Variants in DYM observed in about 807,000 individuals in gnomAD.
DYM encodes the protein dymeclin.
DYM carries 78 observed loss-of-function variants against 93.1 expected under a neutral mutation model. That is an observed-to-expected ratio of 0.84 (90% CI 0.70 to 1.01). DYM has a LOEUF of 1.01. DYM is among the 50% of genes least tolerant of loss of function. The pLI is 0.00. For missense variants in DYM, 789 were observed against 845.0 expected (o/e 0.93, Z 0.82); for synonymous variants, 321 against 319.7 (o/e 1.00, Z -0.04).
chr18:49,460,174 C>T lies in DYM; in HGVS notation c.-54+224G>A, dbSNP rs539951456. Among the ~76,000 whole-genome samples, 195 of 152,302 alleles carry T rather than the reference C, an allele frequency of 1.3e-3. 1 individual carries two copies. Among genetic ancestry groups the T allele is most frequent in the Non-Finnish European group, 3.2e-4 (22 of 68,024 alleles). ...AAGCACCGACTTGGCCTTCGGTATC[C>T]CCCAACTCCCAACAGCGGACTCGGA... is the stretch of plus-strand genomic sequence containing the variant. On this transcript the variant is annotated intron_variant, in intron 1 of 17. Transcript: ENST00000675505.
At chr18:49,409,341 T>G (rs879813077) in intron 2 of DYM, among the ~76,000 whole-genome samples, 2 of 151,220 alleles carry the variant, frequency 1.3e-5, no homozygotes, top group East Asian at 3.9e-4. Context: ...AATAAAAAAT[T>G]CTGGATTATA....
chr18:49,427,728 A>C (rs1379026102), intron 2 of DYM, among the ~76,000 whole-genome samples: 1 of 152,216 alleles, frequency 6.6e-6, no homozygotes, highest in Non-Finnish European at 1.5e-5. Context: ...AATGTCTATT[A>C]ATTTCTGAAT....
At position 49,282,043 on chromosome 18, in the gene DYM, C is replaced by T; in HGVS notation, c.1079G>A (p.Ser360Asn). 1.2e-6 allele frequency: 2 copies of T among 1,613,912 alleles called. No homozygotes were observed. The highest frequency in any genetic ancestry group is 1.7e-6 in the Non-Finnish European group (2 of 1,179,932). ...LLLYTLLHQN[S>N]NIRTYMLART... is the part of the protein sequence containing the mutation. ...AGCCAACATGTATGTTCTAATATTA[C>T]TATTTTGATGGAGCAAGGTATACAA... The change falls in exon 10 of 18, where the codon AGT becomes AAT. Residue 360 changes from serine to asparagine, a missense_variant. By Grantham distance (46) the Ser-to-Asn change is conservative. Around this residue, in one of 3 missense-constraint regions of DYM, gnomAD observed 450 missense variants for 436.2 expected, o/e 1.03. Coordinates refer to ENST00000675505, the MANE Select transcript of DYM (RefSeq NM_001353214.3).
chr18:49,377,570 AAAATAAAAATAT>A (rs1336695853), intron 5 of DYM, among the ~76,000 whole-genome samples: 1 of 152,128 alleles, frequency 6.6e-6, no homozygotes, highest in Non-Finnish European at 1.5e-5. Context: ...AAAAAAAATA[AAAATAAAAATAT>A]AAATAAAAAT....
intron 16 of DYM, among the ~76,000 whole-genome samples, chr18:49,107,531 G>A (rs968623351): frequency 6.6e-6 from 1 of 152,080 alleles, no homozygotes; most frequent in South Asian, 2.1e-4. Flanking sequence ...CCCCATCTTT[G>A]TGATTTTATC....
At chr18:49,216,839 C>T (rs1013708421) in intron 13 of DYM, among the ~76,000 whole-genome samples, 7 of 152,162 alleles carry the variant, frequency 4.6e-5, no homozygotes, top group Non-Finnish European at 1.0e-4. Context: ...CTCTAAAAAG[C>T]AGAGTGCCTC....
intron 12 of DYM, 128 bp downstream of exon 12, chr18:49,258,252 A>G: frequency 1.3e-5 from 9 of 708,120 alleles, no homozygotes; most frequent in Non-Finnish European, 2.1e-5. Context: ...TACAGTGACT[A>G]TACAGTGACC....
chr18:49,375,312 C>A lies in DYM; in HGVS notation c.421+3255G>T, dbSNP rs1056066096. Among the ~76,000 whole-genome samples, 101 of 151,666 alleles carry A rather than the reference C, an allele frequency of 6.7e-4. 2 individuals are homozygous for A. The highest frequency in any genetic ancestry group is 2.4e-3 in the African/African-American group (100 of 41,364). ...ACATATATATATGTATATATACACACACACATATTCATTGTCATTTTATTC... is the reference window on the plus strand; with the variant it reads ...ACATATATATATGTATATATACACAAACACATATTCATTGTCATTTTATTC... On this transcript the variant is annotated intron_variant, in intron 5 of 17. Transcript: ENST00000675505.
intron 17 of DYM, among the ~76,000 whole-genome samples, chr18:49,062,055 T>C (rs1409522575): frequency 6.6e-6 from 1 of 152,166 alleles, no homozygotes; most frequent in Non-Finnish European, 1.5e-5. Flanking sequence ...AGTTTAGCAG[T>C]AGCTGCAGAG....
chr18:49,298,622 T>C (rs1245632383), intron 8 of DYM, among the ~76,000 whole-genome samples: 1 of 151,982 alleles, frequency 6.6e-6, no homozygotes, highest in East Asian at 1.9e-4. Context: ...CTCTGACTTA[T>C]AATCTGGCAT....
At chr18:49,315,835 C>A (rs759895258) in intron 8 of DYM, among the ~76,000 whole-genome samples, 1 of 152,060 alleles carries the variant, frequency 6.6e-6, no homozygotes, top group Non-Finnish European at 1.5e-5. Context: ...ATAATTGGAA[C>A]CCTGTGTCAA....
chr18:49,330,959 G>A (rs1453637421), intron 8 of DYM, among the ~76,000 whole-genome samples: 2 of 152,206 alleles, frequency 1.3e-5, no homozygotes, highest in East Asian at 1.9e-4. Context: ...AACAGACCAA[G>A]TCTACTGCTT....
At chr18:49,261,804 A>G (rs1311370428) in intron 11 of DYM, among the ~76,000 whole-genome samples, 2 of 152,208 alleles carry the variant, frequency 1.3e-5, no homozygotes, top group Admixed American at 6.5e-5. Context: ...ATTTTTTAAT[A>G]TATATATCTC....
intron 13 of DYM, among the ~76,000 whole-genome samples, chr18:49,211,507 G>T (rs1289395656): frequency 6.6e-6 from 1 of 152,194 alleles, no homozygotes; most frequent in Non-Finnish European, 1.5e-5. Context: ...TACCAAGAGG[G>T]TGATAGGTAA....
At chr18:49,084,600 T>C (rs563902846) in intron 17 of DYM, among the ~76,000 whole-genome samples, 24 of 152,346 alleles carry the variant, frequency 1.6e-4, no homozygotes, top group African/African-American at 5.3e-4. Context: ...TGTCAAGTTT[T>C]GTTTCATTTA....
intron 15 of DYM, among the ~76,000 whole-genome samples, chr18:49,119,696 C>T (rs1220600419): frequency 1.3e-5 from 2 of 152,140 alleles, no homozygotes; most frequent in African/African-American, 4.8e-5. Flanking sequence ...CTACAACTCA[C>T]TTGAACTGGT....
chr18:49,303,128 G>C (rs1412149580), intron 8 of DYM, among the ~76,000 whole-genome samples: 1 of 152,162 alleles, frequency 6.6e-6, no homozygotes, highest in Non-Finnish European at 1.5e-5. Context: ...TGTGGTTTTT[G>C]TGTTTGCTTG....
chr18:49,092,400 T>C (rs1355997228), intron 17 of DYM, among the ~76,000 whole-genome samples: 1 of 152,214 alleles, frequency 6.6e-6, no homozygotes, highest in Non-Finnish European at 1.5e-5. Context: ...CCTGACTAGT[T>C]CTTCCCAGCA....
At chr18:49,381,972 TCTAG>T (rs2068083416) in intron 3 of DYM, among the ~76,000 whole-genome samples, 1 of 151,610 alleles carries the variant, frequency 6.6e-6, no homozygotes, top group Non-Finnish European at 1.5e-5. Flanking sequence ...CTTAATATTA[TCTAG>T]CTATTGTAAA....
Sources: allele counts gnomAD v4.1 joint callset (sites outside exome capture counted in the v4.1 genomes callset), GRCh38; gene constraint gnomAD v4.1.1; regional missense constraint gnomAD v4.1.1; transcripts MANE v1.5; gene names NCBI Gene and HGNC (gene_info 2026-07-23, HGNC 2026-07-21).